Variants in AP3B1 observed in about 807,000 individuals in gnomAD.
The protein encoded by AP3B1 is AP-3 complex subunit beta-1.
Under a neutral mutation model 132.5 loss-of-function variants are expected in AP3B1, and 61 were observed. That is an observed-to-expected ratio of 0.46 (90% CI 0.37 to 0.57). The LOEUF (loss-of-function observed/expected upper bound fraction) is 0.57, where lower values mean the gene tolerates loss of function less well. AP3B1 is among the 20% of genes least tolerant of loss of function. The probability of loss-of-function intolerance (pLI) is 0.00; values close to 1 mark genes in which losing one functional copy is unlikely to be tolerated. For synonymous variants in AP3B1, 388 were observed against 438.3 expected, an observed-to-expected ratio of 0.89 and a Z score of 1.43; for missense variants, 1,120 against 1,289.4, an observed-to-expected ratio of 0.87 and a Z score of 2.01.
intron 22 of AP3B1, among the ~76,000 whole-genome samples, chr5:78,072,660 G>GTATATAATTA (rs1253662977): frequency 7.2e-6 from 1 of 138,956 alleles, no homozygotes; most frequent in Admixed American, 7.3e-5. Flanking sequence ...TATAAAAGCT[G>GTATATAATTA]TATATAATTA....
intron 3 of AP3B1, among the ~76,000 whole-genome samples, chr5:78,230,210 A>C (rs180836125): frequency 2.0e-4 from 30 of 152,342 alleles, no homozygotes; most frequent in Middle Eastern, 3.4e-3. Context: ...GAAAGGCAAA[A>C]TCTTCCATTT....
chr5:78,279,852 TATATATAGGACTTAA>T (rs908829112), intron 1 of AP3B1, among the ~76,000 whole-genome samples: 4 of 146,590 alleles, frequency 2.7e-5, no homozygotes, highest in African/African-American at 9.9e-5. Context: ...AGGACTTAAA[TATATATAGGACTTAA>T]ATATATATAT....
At chr5:78,177,546 G>T in intron 8 of AP3B1, 110 bp from the exon 9 acceptor site, 1 of 839,576 alleles carries the variant, frequency 1.2e-6, no homozygotes, top group South Asian at 1.4e-5. Context: ...TTCCTGTGAC[G>T]TAAAATGGAA....
intron 23 of AP3B1, among the ~76,000 whole-genome samples, chr5:78,034,855 T>C (rs1224310650): frequency 2.0e-5 from 3 of 151,888 alleles, no homozygotes; most frequent in Non-Finnish European, 4.4e-5. Flanking sequence ...TTATTCTAGA[T>C]ATAAAAAGTA....
At chr5:78,193,855 C>T (rs918470675) in intron 7 of AP3B1, among the ~76,000 whole-genome samples, 6 of 149,236 alleles carry the variant, frequency 4.0e-5, no homozygotes, top group Non-Finnish European at 8.9e-5. Flanking sequence ...CCCGGGTTCA[C>T]GCCATTCTCC....
At chr5:78,163,013 T>C in intron 12 of AP3B1, 62 bp from the exon 13 acceptor site, 1 of 1,507,394 alleles carries the variant, frequency 6.6e-7, no homozygotes, top group Non-Finnish European at 9.2e-7. Flanking sequence ...AAAACTCCGA[T>C]TATATTAAAC....
chr5:78,276,807 G>A (rs1047610158), intron 1 of AP3B1, among the ~76,000 whole-genome samples: 25 of 151,644 alleles, frequency 1.6e-4, no homozygotes, highest in African/African-American at 5.6e-4. Context: ...AAGCTGAGGC[G>A]GCAGTGAGCC....
At chr5:78,042,697 A>G in intron 22 of AP3B1, 1 of 169,044 alleles carries the variant, frequency 5.9e-6, no homozygotes, top group Non-Finnish European at 1.4e-5. Flanking sequence ...GTTCAGGGGC[A>G]GATCCCAAGT....
At chr5:78,220,327 C>T (rs1405900736) in intron 6 of AP3B1, among the ~76,000 whole-genome samples, 2 of 147,872 alleles carry the variant, frequency 1.4e-5, no homozygotes, top group Admixed American at 6.7e-5. Flanking sequence ...AAAAAAAAAA[C>T]AACAAGGGAC....
At chr5:78,129,599 C>T (rs142493905) in intron 15 of AP3B1, among the ~76,000 whole-genome samples, 131 of 152,070 alleles carry the variant, frequency 8.6e-4, no homozygotes, top group African/African-American at 2.9e-3. Flanking sequence ...ATATGGCAAA[C>T]CCGCTGAAGG....
chr5:78,128,051 T>A lies in AP3B1; in HGVS notation c.1947A>T (p.Arg649=), dbSNP rs1182230526. The part of the protein sequence containing the change: ...WPEVAPDPSV[R]NVEVIELAKE... ...TTACCAACTCTATTACTTCTACATT[T>A]CGAACTGATGGGTCGGGCGCCACCT... The change falls in exon 17 of 27, where the codon CGA becomes CGT. Residue 649 remains arginine, a synonymous_variant. Transcript: ENST00000255194. 1 of 1,613,202 alleles carries A rather than the reference T, an allele frequency of 6.2e-7. No homozygotes were observed. The highest frequency in any genetic ancestry group is 1.7e-5 in the Admixed American group (1 of 60,000).
intron 1 of AP3B1, 139 bp downstream of exon 1, chr5:78,294,313 C>T: frequency 1.6e-6 from 2 of 1,262,018 alleles, no homozygotes; most frequent in Non-Finnish European, 2.2e-6. Context: ...ACCTACCCAC[C>T]CGCGGGACAC....
At chr5:78,205,340 C>T (rs143299057) in intron 7 of AP3B1, among the ~76,000 whole-genome samples, 1 of 151,600 alleles carries the variant, frequency 6.6e-6, no homozygotes, top group African/African-American at 2.4e-5. Flanking sequence ...AAATCTTTTG[C>T]CTTTTACTAA....
intron 7 of AP3B1, among the ~76,000 whole-genome samples, chr5:78,182,290 C>T (rs569283869): frequency 1.3e-5 from 2 of 152,294 alleles, no homozygotes; most frequent in East Asian, 3.9e-4. Flanking sequence ...ACCAAACAAA[C>T]ACAGTAATAG....
intron 22 of AP3B1, chr5:78,044,023 G>C: frequency 3.4e-6 from 1 of 291,172 alleles, no homozygotes; most frequent in Non-Finnish European, 6.8e-6. Flanking sequence ...ACCCCTGAAG[G>C]AAAATCTCCT....
intron 6 of AP3B1, among the ~76,000 whole-genome samples, chr5:78,224,585 A>G (rs1746324142): frequency 6.6e-6 from 1 of 152,126 alleles, no homozygotes; most frequent in Non-Finnish European, 1.5e-5. Context: ...AAAAGACAAG[A>G]GCCAACTATA....
chr5:78,070,828 C>A (rs561080766), intron 22 of AP3B1, among the ~76,000 whole-genome samples: 1 of 152,104 alleles, frequency 6.6e-6, no homozygotes, highest in Non-Finnish European at 1.5e-5. Context: ...TATCACTGAT[C>A]GTTAGAGAAA....
At chr5:78,044,245 T>A (rs1458783356) in intron 22 of AP3B1, 1 of 153,482 alleles carries the variant, frequency 6.5e-6, no homozygotes, top group African/African-American at 2.4e-5. Flanking sequence ...ATATATTTTA[T>A]ATTTATAGAT....
At position 78,042,702 on chromosome 5, in the gene AP3B1, C is replaced by T. The variant is rs566636805; in HGVS notation, c.2578-3428G>A. 13 of 167,362 alleles carry T rather than the reference C, an allele frequency of 7.8e-5. No homozygotes were observed. In the South Asian group the frequency reaches 2.0e-3, roughly 26 times the overall value. The allele number at this position is 167,362 out of a possible 1,614,324, so 10.4% of individuals were successfully genotyped here. On this transcript the variant is annotated intron_variant, in intron 22 of 26. Coordinates refer to ENST00000255194, the MANE Select transcript of AP3B1 (RefSeq NM_003664.5). ...CTCGAGAGATGTTCAGGGGCAGATC[C>T]CAAGTCAACCACACCAAGGATTAAA...
Sources: allele counts gnomAD v4.1 joint callset (sites outside exome capture counted in the v4.1 genomes callset), GRCh38; gene constraint gnomAD v4.1.1; transcripts MANE v1.5; gene names NCBI Gene and HGNC (gene_info 2026-07-23, HGNC 2026-07-21).